ALK: variants seen among roughly 807,000 people sequenced by gnomAD.
ALK encodes the protein ALK receptor tyrosine kinase.
A neutral mutation model predicts 163.1 loss-of-function variants in ALK; 74 were observed. That is an observed-to-expected ratio of 0.45 (90% CI 0.38 to 0.55). ALK has a LOEUF of 0.55. Among genes scored for constraint, ALK ranks in the 20% least tolerant of loss-of-function variants. The pLI is 0.00. For missense variants in ALK, 2,063 were observed against 2,105.3 expected (o/e 0.98, Z 0.39); for synonymous variants, 960 against 843.2 (o/e 1.14, Z -2.40).
Position 29,510,559 on chromosome 2 carries a change from A to G in ALK, c.1154+21356T>C, listed in dbSNP as rs571345660. On this transcript the variant is annotated intron_variant, in intron 4 of 28. Transcript: ENST00000389048. Reference sequence around the variant, plus strand: ...ATTTACTTCATAGGCTGCTATAAGTATTTATTGTGTACAATAATTATAATA... The same window carrying G: ...ATTTACTTCATAGGCTGCTATAAGTGTTTATTGTGTACAATAATTATAATA... Among the ~76,000 whole-genome samples, 25 of 152,362 alleles carry G rather than the reference A, an allele frequency of 1.6e-4. 1 individual carries two copies. In the East Asian group the frequency reaches 4.8e-3, roughly 29 times the overall value.
In ALK at chr2:29,334,519, A is replaced by G. The variant is rs549414125; in HGVS notation, c.1283-6038T>C. Among the ~76,000 whole-genome samples, 151 of 152,314 alleles carry G rather than the reference A, an allele frequency of 9.9e-4. 1 individual carries two copies. The highest frequency in any genetic ancestry group is 1.9e-3 in the Non-Finnish European group (129 of 68,020). On this transcript the variant is annotated intron_variant, in intron 5 of 28. Coordinates refer to ENST00000389048, the MANE Select transcript of ALK (RefSeq NM_004304.5). Reference sequence around the variant, plus strand: ...CCTCCAAGGAGTGGTAATGGTGGGCATGGAAGGTCAGGCTGTCAGCATCCC... The same window carrying G: ...CCTCCAAGGAGTGGTAATGGTGGGCGTGGAAGGTCAGGCTGTCAGCATCCC...
chr2:29,814,441 A>G (rs1207929753), intron 1 of ALK, among the ~76,000 whole-genome samples: 1 of 152,026 alleles, frequency 6.6e-6, no homozygotes, highest in Non-Finnish European at 1.5e-5. Flanking sequence ...CGGGCGGATC[A>G]CGAGGTCAGG....
chr2:29,446,808 G>GT (rs1334963994), intron 4 of ALK, among the ~76,000 whole-genome samples: 3 of 152,328 alleles, frequency 2.0e-5, no homozygotes, highest in Admixed American at 2.0e-4. Context: ...AAGGCTGTCT[G>GT]TATCTTCACA....
chr2:29,665,294 C>T, intron 3 of ALK, among the ~76,000 whole-genome samples: 1 of 151,958 alleles, frequency 6.6e-6, no homozygotes, highest in Non-Finnish European at 1.5e-5. Flanking sequence ...GCCTCTGCTC[C>T]TCTTTGAGGC....
Position 29,458,422 on chromosome 2 carries a change from T to G in ALK, c.1154+73493A>C, listed in dbSNP as rs2148099659. Among the ~76,000 whole-genome samples the G allele has an allele frequency of 2.0e-5, 3 of 152,308 alleles. 1 individual carries two copies. Among genetic ancestry groups the G allele is most frequent in the Middle Eastern group, 6.8e-3 (2 of 294 alleles). ...ATTAAGCGTTTATAGTAATTTATCA[T>G]CTGCACTTTCCAATGCTCTGGGCTA... On this transcript the variant is annotated intron_variant, in intron 4 of 28. Transcript: ENST00000389048.
chr2:29,227,613 T>G lies in ALK; in HGVS notation c.2875A>C (p.Ile959Leu). Residue 959 changes from isoleucine to leucine, a missense_variant, in exon 17 of 29, where the codon ATC (isoleucine) becomes CTC (leucine). Transcript: ENST00000389048. This position sits in a 1 kb window ranked among gnomAD's most constrained non-coding sequence, Gnocchi z 4.4. Reference protein sequence around the residue: ...EMDGEDGVSFISPLGILYTPA... With the variant: ...EMDGEDGVSFLSPLGILYTPA... ...GTGTACAGGATGCCCAGTGGACTGA[T>G]GAAGGAAACCCCATCTTCCCCATCC... 6.2e-7 allele frequency: 1 copy of G among 1,614,106 alleles called. No homozygotes were observed. The highest frequency in any genetic ancestry group is 1.1e-5 in the South Asian group (1 of 91,076).
intron 7 of ALK, among the ~76,000 whole-genome samples, chr2:29,320,180 T>C (rs1311877152): frequency 6.6e-6 from 1 of 152,210 alleles, no homozygotes; most frequent in Non-Finnish European, 1.5e-5. Context: ...GGAGGCCCTT[T>C]GCTCTCTGCC....
intron 11 of ALK, among the ~76,000 whole-genome samples, chr2:29,272,185 G>GGAGGGAGAGAGA (rs1553402255): frequency 3.4e-5 from 5 of 145,154 alleles, no homozygotes; most frequent in African/African-American, 1.0e-4. Context: ...GTCGGGTGAG[G>GGAGGGAGAGAGA]GAGAGAGAGA....
chr2:29,767,904 C>T (rs1337103575), intron 1 of ALK, among the ~76,000 whole-genome samples: 1 of 152,218 alleles, frequency 6.6e-6, no homozygotes, highest in African/African-American at 2.4e-5. Context: ...TGTTTGTCTT[C>T]TAGCCCCAGT....
intron 1 of ALK, among the ~76,000 whole-genome samples, chr2:29,836,258 T>C (rs949313458): frequency 6.6e-6 from 1 of 152,212 alleles, no homozygotes; most frequent in Non-Finnish European, 1.5e-5. Context: ...TCACTCAGGT[T>C]AGGCTAAATT....
intron 1 of ALK, among the ~76,000 whole-genome samples, chr2:29,768,067 G>A (rs1448204185): frequency 6.6e-6 from 1 of 152,162 alleles, no homozygotes; most frequent in East Asian, 1.9e-4. Context: ...TCAAATGAAG[G>A]TGGATATCGG....
At chr2:29,499,702 C>T (rs150124095) in intron 4 of ALK, among the ~76,000 whole-genome samples, 104 of 152,146 alleles carry the variant, frequency 6.8e-4, no homozygotes, top group African/African-American at 2.3e-3. Context: ...CATTTCTCCC[C>T]GGGTGGACTC....
At chr2:29,474,314 A>C (rs1293454769) in intron 4 of ALK, among the ~76,000 whole-genome samples, 1 of 152,206 alleles carries the variant, frequency 6.6e-6, no homozygotes, top group Non-Finnish European at 1.5e-5. Context: ...AATAGTAATG[A>C]TCTTTAAGGG....
At chr2:29,516,713 T>C (rs1239228611) in intron 4 of ALK, among the ~76,000 whole-genome samples, 1 of 152,204 alleles carries the variant, frequency 6.6e-6, no homozygotes, top group Non-Finnish European at 1.5e-5. Flanking sequence ...GAAATGGGGA[T>C]AATAATATGT....
intron 23 of ALK, among the ~76,000 whole-genome samples, chr2:29,220,169 G>C (rs565024572): frequency 4.6e-5 from 7 of 152,272 alleles, no homozygotes; most frequent in African/African-American, 1.4e-4. Flanking sequence ...TGTTGGAGGA[G>C]GGGCCTGGTG....
At chr2:29,730,929 T>C (rs1679725537) in intron 1 of ALK, among the ~76,000 whole-genome samples, 1 of 152,164 alleles carries the variant, frequency 6.6e-6, no homozygotes, top group Non-Finnish European at 1.5e-5. Flanking sequence ...CAAGATGCAC[T>C]GTCACCCTGC....
chr2:29,811,278 T>C (rs1296965306), intron 1 of ALK, among the ~76,000 whole-genome samples: 1 of 151,992 alleles, frequency 6.6e-6, no homozygotes, highest in Non-Finnish European at 1.5e-5. Context: ...AGACATGAAG[T>C]AGCTTGAGGA....
chr2:29,506,642 A>T (rs1181739828), intron 4 of ALK, among the ~76,000 whole-genome samples: 1 of 151,960 alleles, frequency 6.6e-6, no homozygotes, highest in African/African-American at 2.4e-5. Context: ...GCTCCTCAGG[A>T]GGCTGAGGCA....
At chr2:29,695,141 A>C in intron 2 of ALK, 127 bp from the exon 3 acceptor site, 1 of 1,000,924 alleles carries the variant, frequency 1.0e-6, no homozygotes, top group Non-Finnish European at 1.5e-6. Flanking sequence ...AAGGGAGATC[A>C]GTTGTCAATA....
Sources: gnomAD v4.1 joint callset for allele counts (sites outside exome capture counted in the v4.1 genomes callset) on GRCh38, gnomAD v4.1.1 for gene constraint, Gnocchi (gnomAD v3.1) non-coding constraint, MANE v1.5 for transcripts, NCBI Gene and HGNC (gene_info 2026-07-23, HGNC 2026-07-21) for gene names.